MYO6: variants seen among roughly 807,000 people sequenced by gnomAD.
The protein encoded by MYO6 is myosin VI.
Under a neutral mutation model 178.7 loss-of-function variants are expected in MYO6, and 74 were observed. The ratio of observed to expected loss-of-function variants is 0.41; its 90% CI spans 0.34 to 0.50. MYO6 has a LOEUF of 0.50. MYO6 is among the 20% of genes least tolerant of loss of function. The pLI is 0.09. For missense variants in MYO6, 1,330 were observed against 1,547.4 expected (o/e 0.86, Z 2.36); for synonymous variants, 477 against 504.6 (o/e 0.95, Z 0.73).
At chr6:75,821,843 T>C (rs568870768) in intron 2 of MYO6, among the ~76,000 whole-genome samples, 1 of 152,338 alleles carries the variant, frequency 6.6e-6, no homozygotes, top group East Asian at 1.9e-4. Context: ...GATCATTTGT[T>C]CTCTCTTATG....
intron 1 of MYO6, among the ~76,000 whole-genome samples, chr6:75,760,529 A>G (rs1777853687): frequency 6.6e-6 from 1 of 152,178 alleles, no homozygotes; most frequent in African/African-American, 2.4e-5. Context: ...CGTATTGTGC[A>G]GGGTTGAGCA....
Position 75,916,041 on chromosome 6 carries a change from G to C in MYO6, c.*1029G>C, listed in dbSNP as rs1349143413. ...AAATCCTTGTATTTAGTAAGTGCTT[G>C]TTTTACATAACTGATAATTTTAAAA... On this transcript the variant is annotated 3_prime_UTR_variant, in exon 35 of 35. Coordinates refer to ENST00000369977, the MANE Select transcript of MYO6 (RefSeq NM_004999.4). The C allele has an allele frequency of 6.6e-6, 1 of 152,456 alleles. No individual in the cohort carries two copies. Among genetic ancestry groups the C allele is most frequent in the Non-Finnish European group, 1.5e-5 (1 of 68,020 alleles). 9.4% of individuals were successfully genotyped at this position (152,456 alleles called of 1,614,324 possible).
At chr6:75,900,792 A>T (rs1440929274) in intron 30 of MYO6, among the ~76,000 whole-genome samples, 2 of 151,178 alleles carry the variant, frequency 1.3e-5, no homozygotes. Context: ...GGTGTTTTAG[A>T]CATGAAGTCC....
chr6:75,897,199 T>G (rs1393452675), intron 29 of MYO6, among the ~76,000 whole-genome samples: 1 of 152,150 alleles, frequency 6.6e-6, no homozygotes, highest in East Asian at 1.9e-4. Context: ...AAACAGATGC[T>G]CTTGAATCCT....
At chr6:75,784,999 T>C (rs1167097000) in intron 1 of MYO6, among the ~76,000 whole-genome samples, 1 of 152,192 alleles carries the variant, frequency 6.6e-6, no homozygotes, top group African/African-American at 2.4e-5. Context: ...ACACTTTCAT[T>C]TGTTCTCCAA....
intron 1 of MYO6, among the ~76,000 whole-genome samples, chr6:75,749,721 C>G (rs992821353): frequency 1.8e-4 from 28 of 152,222 alleles, no homozygotes; most frequent in African/African-American, 6.8e-4. Flanking sequence ...AGGTGCCTAA[C>G]TCGGACTTGG....
At position 75,771,087 on chromosome 6, in the gene MYO6, C is replaced by T. The variant is rs566357390; in HGVS notation, c.-48+21664C>T. 3.3e-5 allele frequency among the ~76,000 whole-genome samples: 5 copies of T among 151,638 alleles called. No individual in the cohort carries two copies. The East Asian group carries it at 5.8e-4, about 18-fold the overall frequency. On this transcript the variant is annotated intron_variant, in intron 1 of 34. Coordinates refer to ENST00000369977, the MANE Select transcript of MYO6 (RefSeq NM_004999.4). ...ATGCAAACACAGTTCATTGCAGCCTCGACCTCCTGGGCTCAAGTGATCCTC... is the reference window on the plus strand; with the variant it reads ...ATGCAAACACAGTTCATTGCAGCCTTGACCTCCTGGGCTCAAGTGATCCTC...
chr6:75,866,469 A>AT, intron 16 of MYO6, 57 bp from the exon 17 acceptor site: 1 of 1,357,028 alleles, frequency 7.4e-7, no homozygotes, highest in East Asian at 2.4e-5. Context: ...TTTGTAAAGA[A>AT]TGATTATGTA....
Position 75,879,926 on chromosome 6 carries a change from A to G in MYO6, c.2184A>G (p.Arg728=). Reference sequence around the variant, plus strand: ...AGTATATGCCAGATAAACTTGCAAGATTGGATCCAAGACTATTTTGTAAGG... The same window carrying G: ...AGTATATGCCAGATAAACTTGCAAGGTTGGATCCAAGACTATTTTGTAAGG... ...YKKYMPDKLA[R]LDPRLFCKAL... The change falls in exon 21 of 35, where the codon AGA becomes AGG. Residue 728 remains arginine (R), a synonymous_variant. Coordinates refer to ENST00000369977, the MANE Select transcript of MYO6 (RefSeq NM_004999.4). 6.2e-7 allele frequency: 1 copy of G among 1,614,132 alleles called. No individual in the cohort carries two copies. Among genetic ancestry groups the G allele is most frequent in the Non-Finnish European group, 8.5e-7 (1 of 1,180,010 alleles).
intron 1 of MYO6, among the ~76,000 whole-genome samples, chr6:75,805,021 A>ATATATATATATAT (rs1252912172): frequency 2.2e-4 from 17 of 77,286 alleles, no homozygotes; most frequent in South Asian, 9.0e-4. Flanking sequence ...ATATATATAT[A>ATATATATATATAT]TTTTTTTTTT....
At chr6:75,777,222 A>G (rs970136565) in intron 1 of MYO6, among the ~76,000 whole-genome samples, 1 of 152,176 alleles carries the variant, frequency 6.6e-6, no homozygotes, top group Non-Finnish European at 1.5e-5. Context: ...AAGGGTACAT[A>G]TCAGAATTTA....
At chr6:75,860,987 T>C (rs1471662879) in intron 14 of MYO6, 36 bp from the exon 15 acceptor site, 1 of 1,402,920 alleles carries the variant, frequency 7.1e-7, no homozygotes, top group Admixed American at 1.7e-5. Flanking sequence ...TTGCTCAGTA[T>C]TGCTGTATCT....
At chr6:75,779,133 A>T (rs866463716) in intron 1 of MYO6, among the ~76,000 whole-genome samples, 1 of 151,414 alleles carries the variant, frequency 6.6e-6, no homozygotes, top group African/African-American at 2.4e-5. Flanking sequence ...TCATGACCTC[A>T]AGTGATCCTT....
At chr6:75,762,590 T>G (rs1469575315) in intron 1 of MYO6, among the ~76,000 whole-genome samples, 1 of 152,204 alleles carries the variant, frequency 6.6e-6, no homozygotes, top group Non-Finnish European at 1.5e-5. Flanking sequence ...CATTCGTGCA[T>G]CTATGCCCCA....
chr6:75,851,673 C>A (rs929318836), intron 11 of MYO6, among the ~76,000 whole-genome samples: 1 of 151,408 alleles, frequency 6.6e-6, no homozygotes, highest in African/African-American at 2.4e-5. Flanking sequence ...CACACACAAA[C>A]GCACACACAC....
intron 2 of MYO6, among the ~76,000 whole-genome samples, chr6:75,820,017 C>G (rs1024753241): frequency 6.6e-6 from 1 of 152,158 alleles, no homozygotes; most frequent in Non-Finnish European, 1.5e-5. Context: ...GCACTCTAGC[C>G]TGGGTGACAG....
intron 30 of MYO6, among the ~76,000 whole-genome samples, chr6:75,905,762 T>C (rs1780264527): frequency 6.6e-6 from 1 of 152,254 alleles, no homozygotes; most frequent in African/African-American, 2.4e-5. Context: ...ATTCTTTAGC[T>C]AGTCTTATAT....
Position 75,823,055 on chromosome 6 carries a change from C to G in MYO6, c.187+204C>G, listed in dbSNP as rs1018203895. On this transcript the variant is annotated intron_variant, in intron 3 of 34. Coordinates refer to ENST00000369977, the MANE Select transcript of MYO6 (RefSeq NM_004999.4). The stretch of plus-strand genomic sequence containing the variant: ...TTTTGGTGAAAGAGTCTTGAGTGTT[C>G]TTTTGGTGTTATTTGAGTTGCATAA... Among the ~76,000 whole-genome samples, 23 of 152,084 alleles carry G rather than the reference C, an allele frequency of 1.5e-4. 1 individual carries two copies. The highest frequency in any genetic ancestry group is 4.1e-4 in the African/African-American group (17 of 41,426).
intron 1 of MYO6, among the ~76,000 whole-genome samples, chr6:75,791,022 C>T (rs1768178086): frequency 6.6e-6 from 1 of 152,156 alleles, no homozygotes; most frequent in African/African-American, 2.4e-5. Context: ...CAAGCTCCGC[C>T]TCCCGAGTTC....
Sources: gnomAD v4.1 joint callset for allele counts (sites outside exome capture counted in the v4.1 genomes callset) on GRCh38, gnomAD v4.1.1 for gene constraint, MANE v1.5 for transcripts, NCBI Gene and HGNC (gene_info 2026-07-23, HGNC 2026-07-21) for gene names.